HAVCR1: variants seen among roughly 807,000 people sequenced by gnomAD.
HAVCR1 encodes the protein T cell immunoglobin domain and mucin domain protein 1.
HAVCR1 carries 34 observed loss-of-function variants against 32.0 expected under a neutral mutation model. The ratio of observed to expected loss-of-function variants is 1.06; its 90% CI spans 0.81 to 1.42. The LOEUF (loss-of-function observed/expected upper bound fraction) is 1.42, where lower values mean the gene tolerates loss of function less well. Among genes scored for constraint, HAVCR1 ranks in the 40% most tolerant of loss-of-function variants. The pLI is 0.00. For missense variants in HAVCR1, 420 were observed against 442.3 expected (o/e 0.95, Z 0.45); for synonymous variants, 178 against 170.3 (o/e 1.05, Z -0.35).
rs1420824169 is a variant in HAVCR1, at chr5:157,037,289, C to T, written c.910G>A (p.Val304Ile). The change falls in exon 7 of 9, where the codon GTC (valine) becomes ATC (isoleucine). Residue 304 changes from valine (V) to isoleucine (I), a missense_variant. Val to Ile is a conservative substitution (Grantham distance 29, BLOSUM62 3). Transcript: ENST00000523175. ...KGIYAGVCIS[V>I]LVLLALLGVI... ...CCCAAAAGAGCAAGAAGCACCAAGA[C>T]AGAAATACAGACTCCAGCATAGATT... 3.7e-6 allele frequency: 6 copies of T among 1,606,762 alleles called. No individual in the cohort carries two copies. In the Admixed American group the frequency reaches 8.3e-5, roughly 22 times the overall value.
intron 5 of HAVCR1, among the ~76,000 whole-genome samples, chr5:157,045,432 G>A (rs1755334629): frequency 6.6e-6 from 1 of 152,026 alleles, no homozygotes; most frequent in African/African-American, 2.4e-5. Flanking sequence ...ATGGGAAGAG[G>A]AGTGGGGAGG....
At chr5:157,044,972 T>G (rs1395372520) in intron 5 of HAVCR1, among the ~76,000 whole-genome samples, 1 of 150,778 alleles carries the variant, frequency 6.6e-6, no homozygotes, top group Non-Finnish European at 1.5e-5. Context: ...TATGTGTGTA[T>G]GTGTGTGTGT....
At chr5:157,068,903 G>A in the HAVCR1 span, among the ~76,000 whole-genome samples, 87 of 152,112 alleles carry the variant, frequency 5.7e-4, no homozygotes, top group African/African-American at 1.8e-3. Flanking sequence ...GAGCCACCAC[G>A]CCCCCTAATA....
At chr5:157,049,283 T>C in intron 4 of HAVCR1, 138 bp from the exon 5 acceptor site, 9 of 668,380 alleles carry the variant, frequency 1.3e-5, no homozygotes, top group Middle Eastern at 3.4e-4. Flanking sequence ...ACAGTGGGCA[T>C]GCAGGGCTTC....
chr5:157,036,363 C>T (rs1324491963), intron 7 of HAVCR1, among the ~76,000 whole-genome samples: 1 of 152,116 alleles, frequency 6.6e-6, no homozygotes, highest in Admixed American at 6.5e-5. Flanking sequence ...CCTGTAGTCC[C>T]AGCTACTCAG....
Position 157,053,131 on chromosome 5 carries a change from A to G in HAVCR1, c.380-477T>C, listed in dbSNP as rs1459750741. Among the ~76,000 whole-genome samples, 12 of 152,186 alleles carry G rather than the reference A, an allele frequency of 7.9e-5. No individual in the cohort carries two copies. In the East Asian group the frequency reaches 2.3e-3, roughly 29 times the overall value. The stretch of plus-strand genomic sequence containing the variant: ...ACTGGGCGTGGTGGCTCACGCCTGT[A>G]ATCCCAGCACTTTATGGGGCCAAGG... On this transcript the variant is annotated intron_variant, in intron 3 of 8. Coordinates refer to ENST00000523175, the MANE Select transcript of HAVCR1 (RefSeq NM_001173393.3).
rs746142294 is a variant in HAVCR1, at chr5:157,057,950, A to G, written c.-7T>C. 6.2e-7 allele frequency: 1 copy of G among 1,612,798 alleles called. No homozygotes were observed. The highest frequency in any genetic ancestry group is 8.5e-7 in the Non-Finnish European group (1 of 1,178,866). ...TGACCACTTGAGGATGCATTATGGG[A>G]TCAGCCTGAAGGAAAATGAGCAGAC... On this transcript the variant is annotated 5_prime_UTR_variant, in exon 2 of 9. Coordinates refer to ENST00000523175, the MANE Select transcript of HAVCR1 (RefSeq NM_001173393.3).
At chr5:157,041,349 T>C (rs1167209107) in intron 6 of HAVCR1, among the ~76,000 whole-genome samples, 1 of 151,876 alleles carries the variant, frequency 6.6e-6, no homozygotes, top group East Asian at 1.9e-4. Context: ...AACACAAAAA[T>C]TATCCAGGTA....
chr5:157,048,128 T>C (rs1347308740), intron 5 of HAVCR1, among the ~76,000 whole-genome samples: 1 of 152,174 alleles, frequency 6.6e-6, no homozygotes, highest in African/African-American at 2.4e-5. Flanking sequence ...CATAGCCCCA[T>C]CTGAGAATGC....
the HAVCR1 span, among the ~76,000 whole-genome samples, chr5:157,066,055 T>TAAAAAAAA: frequency 1.6e-3 from 109 of 66,910 alleles, 6 homozygotes; most frequent in African/African-American, 5.6e-3. Context: ...GACTCCGTCT[T>TAAAAAAAA]AAAAAAAAAA....
In HAVCR1 at chr5:157,044,488, GA is replaced by G. The variant is rs1351165424; in HGVS notation, c.782-1807del. Among the ~76,000 whole-genome samples the G allele has an allele frequency of 5.1e-4, 32 of 62,648 alleles. 2 individuals carry two copies. Among genetic ancestry groups the G allele is most frequent in the African/African-American group, 1.9e-3 (28 of 14,386 alleles). 41.1% of individuals were successfully genotyped at this position (62,648 alleles called of 152,430 possible). ...GAAAGAAAGGAAGGAAGGAAGGAAG[GA>G]AGGAAGGAAGGAAGGAAGGAGGAAG... On this transcript the variant is annotated intron_variant, in intron 5 of 8. Coordinates refer to ENST00000523175, the MANE Select transcript of HAVCR1 (RefSeq NM_001173393.3).
the HAVCR1 span, among the ~76,000 whole-genome samples, chr5:157,068,645 T>C: frequency 8.1e-6 from 1 of 123,906 alleles, no homozygotes; most frequent in Non-Finnish European, 1.7e-5. Context: ...TATATGGGCT[T>C]TTTTTTTACA....
In HAVCR1 at chr5:157,041,680, T is replaced by C. The variant is rs534310776; in HGVS notation, c.837+947A>G. 3.9e-5 allele frequency among the ~76,000 whole-genome samples: 6 copies of C among 152,358 alleles called. 1 individual carries two copies. The highest frequency in any genetic ancestry group is 1.9e-4 in the East Asian group (1 of 5,184). On this transcript the variant is annotated intron_variant, in intron 6 of 8. Coordinates refer to ENST00000523175, the MANE Select transcript of HAVCR1 (RefSeq NM_001173393.3). ...TTTTACTTTTGTTTGGGGCAGCCTC[T>C]ACTCCACCCCATCAAAGCATGCTGT...
chr5:157,062,453 G>A (rs543201917), upstream of HAVCR1, among the ~76,000 whole-genome samples: 25 of 152,272 alleles, frequency 1.6e-4, no homozygotes, highest in South Asian at 4.4e-3. Flanking sequence ...CTATCTCAGC[G>A]CACATCGTAC....
rs1397303133 is a variant in HAVCR1, at chr5:157,052,255, G to A, written c.673+106C>T. 3 of 980,754 alleles carry A rather than the reference G, an allele frequency of 3.1e-6. No individual in the cohort carries two copies. In the East Asian group the frequency reaches 7.2e-5, roughly 24 times the overall value. 60.8% of individuals were successfully genotyped at this position (980,754 alleles called of 1,614,324 possible). A position where few individuals can be genotyped will look rare whatever the true frequency, so the allele number is the denominator to read the frequency against. On this transcript the variant is annotated intron_variant, in intron 4 of 8. Coordinates refer to ENST00000523175, the MANE Select transcript of HAVCR1 (RefSeq NM_001173393.3). ...TGAGGAGACCCTGATTGAAACCCAG[G>A]TAAGACCCCTCACTCTAGACTGTCC...
chr5:157,053,378 G>C (rs1755888242), intron 3 of HAVCR1, among the ~76,000 whole-genome samples: 1 of 57,516 alleles, frequency 1.7e-5, no homozygotes, highest in Non-Finnish European at 3.2e-5. Flanking sequence ...GCGAGACCCT[G>C]TCTTAAAAAA....
intron 7 of HAVCR1, among the ~76,000 whole-genome samples, chr5:157,035,368 A>G (rs1222887091): frequency 6.6e-6 from 1 of 152,166 alleles, no homozygotes. Context: ...CATGAACTAA[A>G]TCAGTCATGG....
Position 157,042,613 on chromosome 5 carries a change from C to T in HAVCR1, c.837+14G>A, listed in dbSNP as rs758598207. ...AGTGAATCTGGCTAATCAAATAGGG[C>T]GGAATATGCTTACAGTTTGATTGTT... On this transcript the variant is annotated intron_variant, in intron 6 of 8. Coordinates refer to ENST00000523175, the MANE Select transcript of HAVCR1 (RefSeq NM_001173393.3). The T allele has an allele frequency of 1.3e-5, 20 of 1,531,472 alleles. No homozygotes were observed. Among genetic ancestry groups the T allele is most frequent in the South Asian group, 4.5e-5 (4 of 88,188 alleles). The allele number at this position is 1,531,472 out of a possible 1,614,324, so 94.9% of individuals were successfully genotyped here.
intron 8 of HAVCR1, among the ~76,000 whole-genome samples, chr5:157,030,286 T>C (rs1185195267): frequency 6.6e-6 from 1 of 152,214 alleles, no homozygotes; most frequent in Non-Finnish European, 1.5e-5. Flanking sequence ...ATCTACATCC[T>C]ATATTCAAGA....
Sources: gnomAD v4.1 joint callset for allele counts (sites outside exome capture counted in the v4.1 genomes callset) on GRCh38, gnomAD v4.1.1 for gene constraint, MANE v1.5 for transcripts, NCBI Gene and HGNC (gene_info 2026-07-23, HGNC 2026-07-21) for gene names.